Variants in ESRRB observed in about 807,000 individuals in gnomAD.
ESRRB encodes the protein estrogen related receptor beta.
ESRRB carries 16 observed loss-of-function variants against 46.0 expected under a neutral mutation model. The observed-to-expected ratio is 0.35, with a 90% CI of 0.24 to 0.53. The LOEUF is 0.53. Among genes scored for constraint, ESRRB ranks in the 20% least tolerant of loss-of-function variants. The pLI is 0.93. For missense variants in ESRRB, 488 were observed against 607.4 expected, an observed-to-expected ratio of 0.80 and a Z score of 2.07; for synonymous variants, 246 against 259.6, an observed-to-expected ratio of 0.95 and a Z score of 0.50.
At chr14:76,371,375 C>T (rs1884621279), upstream of ESRRB, 1 of 152,286 alleles carries the variant, frequency 6.6e-6, no homozygotes, top group African/African-American at 2.4e-5. Flanking sequence ...AGGGACATTT[C>T]CCCTGGCCGG....
Position 76,408,815 on chromosome 14 carries a change from A to G in ESRRB, c.51-30526A>G, listed in dbSNP as rs1224297235. Among the ~76,000 whole-genome samples, 3 of 152,158 alleles carry G rather than the reference A, an allele frequency of 2.0e-5. No individual in the cohort carries two copies. In the East Asian group the frequency reaches 5.8e-4, roughly 29 times the overall value. ...ATGAAAGGTGTGAATGTTACAAAATATATGAGGAGTAATGTGGCCATGTGG... is the reference window on the plus strand; with the variant it reads ...ATGAAAGGTGTGAATGTTACAAAATGTATGAGGAGTAATGTGGCCATGTGG... On this transcript the variant is annotated intron_variant, in intron 1 of 6. Transcript: ENST00000644823.
intron 1 of ESRRB, among the ~76,000 whole-genome samples, chr14:76,398,545 G>A (rs1885796587): frequency 6.6e-6 from 1 of 152,194 alleles, no homozygotes; most frequent in Admixed American, 6.5e-5. Context: ...TAGGGAGGCA[G>A]TGCCCTTTCT....
intron 1 of ESRRB, among the ~76,000 whole-genome samples, chr14:76,334,589 G>A (rs2139744239): frequency 6.6e-6 from 1 of 152,316 alleles, no homozygotes; most frequent in East Asian, 1.9e-4. Flanking sequence ...AATGACAAAG[G>A]GAGTCATTTG....
Position 76,344,972 on chromosome 14 carries a change from C to T in ESRRB, c.2+34056C>T, listed in dbSNP as rs532735864. ...ATATACTACAGTTCCTTTATCTACTCGTTGATTGATGGGCATTTGGGTTGG... is the reference window on the plus strand; with the variant it reads ...ATATACTACAGTTCCTTTATCTACTTGTTGATTGATGGGCATTTGGGTTGG... On this transcript the variant is annotated intron_variant, in intron 1 of 6. Coordinates refer to the ESRRB transcript ENST00000512784. Among the ~76,000 whole-genome samples, 3 of 152,098 alleles carry T rather than the reference C, an allele frequency of 2.0e-5. No individual in the cohort carries two copies. The South Asian group carries it at 6.2e-4, about 32-fold the overall frequency.
intron 1 of ESRRB, among the ~76,000 whole-genome samples, chr14:76,438,911 C>G (rs1309861792): frequency 6.6e-6 from 1 of 152,036 alleles, no homozygotes; most frequent in Non-Finnish European, 1.5e-5. Context: ...AGCAATCCTC[C>G]CTCCTCAGCT....
chr14:76,311,385 TGATGG>T, intron 1 of ESRRB, among the ~76,000 whole-genome samples: 1 of 152,256 alleles, frequency 6.6e-6, no homozygotes, highest in South Asian at 2.1e-4. Flanking sequence ...GGACAGGTAA[TGATGG>T]GAGCTCCTGG....
intron 1 of ESRRB, among the ~76,000 whole-genome samples, chr14:76,432,700 G>T (rs1887506238): frequency 8.6e-6 from 1 of 115,936 alleles, no homozygotes; most frequent in Admixed American, 8.4e-5. Context: ...TTCTGAGACG[G>T]TGTCTCGCCC....
At chr14:76,470,048 A>G (rs1889317960) in intron 3 of ESRRB, among the ~76,000 whole-genome samples, 1 of 148,462 alleles carries the variant, frequency 6.7e-6, no homozygotes, top group African/African-American at 2.5e-5. Flanking sequence ...CCCAGGTTCA[A>G]GAGATTCTCC....
intron 1 of ESRRB, among the ~76,000 whole-genome samples, chr14:76,342,941 G>T (rs549082994): frequency 1.3e-5 from 2 of 152,290 alleles, no homozygotes; most frequent in African/African-American, 4.8e-5. Context: ...AGCAAAGAAT[G>T]AGATCATTAC....
intron 1 of ESRRB, among the ~76,000 whole-genome samples, chr14:76,427,934 C>T (rs1025971309): frequency 2.9e-4 from 44 of 152,188 alleles, no homozygotes; most frequent in African/African-American, 9.6e-4. Context: ...TCTGGCCCAG[C>T]GCCATGGCTA....
upstream of ESRRB, among the ~76,000 whole-genome samples, chr14:76,371,130 T>C (rs1418877524): frequency 2.6e-5 from 4 of 152,186 alleles, no homozygotes; most frequent in South Asian, 6.2e-4. Flanking sequence ...GCCCCAGTAA[T>C]GGCCCATTAC....
chr14:76,414,463 C>A (rs957760042), intron 1 of ESRRB, among the ~76,000 whole-genome samples: 1 of 151,140 alleles, frequency 6.6e-6, no homozygotes, highest in Non-Finnish European at 1.5e-5. Flanking sequence ...GTTTTCATTT[C>A]GGAGGGCCCT....
At chr14:76,437,855 C>G (rs576735356) in intron 1 of ESRRB, among the ~76,000 whole-genome samples, 1 of 152,314 alleles carries the variant, frequency 6.6e-6, no homozygotes, top group African/African-American at 2.4e-5. Flanking sequence ...GAGGGGAACA[C>G]CCTTGCCCGC....
At position 76,452,632 on chromosome 14, in the gene ESRRB, C is replaced by CAAAACA. The variant is rs1566906500; in HGVS notation, c.461-9903_461-9898dup. Among the ~76,000 whole-genome samples the CAAAACA allele has an allele frequency of 5.4e-4, 31 of 57,150 alleles. 1 individual carries two copies. The highest frequency in any genetic ancestry group is 1.4e-3 in the African/African-American group (27 of 19,140). The allele number at this position is 57,150 out of a possible 152,430, so 37.5% of individuals were successfully genotyped here. ...GAGACTCTGTCTCCAAAAAAAAAAA[C>CAAAACA]AAAACAAAAACAAAACAAAACAAAA... On this transcript the variant is annotated intron_variant, in intron 2 of 6. Coordinates refer to ENST00000644823, the MANE Select transcript of ESRRB (RefSeq NM_001379180.1).
chr14:76,324,969 T>C (rs112877969), intron 1 of ESRRB, among the ~76,000 whole-genome samples: 20 of 92,994 alleles, frequency 2.2e-4, no homozygotes, highest in African/African-American at 4.7e-4. Flanking sequence ...TTTTCTTTTT[T>C]TTTTTTTTTT....
intron 1 of ESRRB, among the ~76,000 whole-genome samples, chr14:76,333,043 TTA>T (rs1237859704): frequency 3.4e-4 from 2 of 5,814 alleles, no homozygotes; most frequent in African/African-American, 5.0e-4. Flanking sequence ...ATATTATATA[TTA>T]TATATTATAT....
intron 1 of ESRRB, among the ~76,000 whole-genome samples, chr14:76,352,467 G>A (rs970543315): frequency 2.4e-4 from 37 of 152,184 alleles, no homozygotes; most frequent in Admixed American, 2.4e-3. Context: ...AGCTGCTAGT[G>A]AGAAAGTGAT....
rs531839785 is a variant in ESRRB, at chr14:76,339,579, C to T, written c.2+28663C>T. ...TACCATGTCCAGACAGGCCCCTGTA[C>T]AGCTGTGTGGACATGTGCGTGCTCT... On this transcript the variant is annotated intron_variant, in intron 1 of 6. Transcript: ENST00000512784. Among the ~76,000 whole-genome samples, 14 of 152,290 alleles carry T rather than the reference C, an allele frequency of 9.2e-5. No individual in the cohort carries two copies. The East Asian group carries it at 2.7e-3, about 29-fold the overall frequency.
chr14:76,479,217 T>TTGTG (rs146974231), intron 3 of ESRRB, among the ~76,000 whole-genome samples: 248 of 145,016 alleles, frequency 1.7e-3, no homozygotes, highest in African/African-American at 5.9e-3. Context: ...CACTGTCTGT[T>TTGTG]TGTGTGTGTG....
Sources: gnomAD v4.1 joint callset for allele counts (sites outside exome capture counted in the v4.1 genomes callset) on GRCh38, gnomAD v4.1.1 for gene constraint, MANE v1.5 for transcripts, NCBI Gene and HGNC (gene_info 2026-07-23, HGNC 2026-07-21) for gene names.